The following LAMA2 variants were observed in gnomAD, a reference collection of about 807,000 sequenced individuals.
LAMA2 encodes laminin subunit alpha-2.
A neutral mutation model predicts 364.8 loss-of-function variants in LAMA2; 269 were observed. The ratio of observed to expected loss-of-function variants is 0.74; its 90% CI spans 0.67 to 0.82. LAMA2 has a LOEUF of 0.82. Among genes scored for constraint, LAMA2 ranks in the 40% least tolerant of loss-of-function variants. The pLI, the probability that LAMA2 is intolerant of heterozygous loss-of-function variation, is 0.00. For missense variants in LAMA2, 3,807 were observed against 3,873.2 expected, an observed-to-expected ratio of 0.98 and a Z score of 0.45; for synonymous variants, 1,379 against 1,370.6, an observed-to-expected ratio of 1.01 and a Z score of -0.14.
chr6:129,300,306 G>A (rs1773471497), intron 21 of LAMA2, among the ~76,000 whole-genome samples: 1 of 152,112 alleles, frequency 6.6e-6, no homozygotes, highest in South Asian at 2.1e-4. Context: ...AAGCTTATTG[G>A]TTTTTACTGC....
chr6:129,050,209 C>A, intron 2 of LAMA2, 121 bp downstream of exon 2: 2 of 967,498 alleles, frequency 2.1e-6, no homozygotes, highest in Non-Finnish European at 1.6e-6. Flanking sequence ...ATTCTTTTTA[C>A]CATTAAGAGC....
intron 1 of LAMA2, among the ~76,000 whole-genome samples, chr6:129,020,206 A>AT (rs1306431287): frequency 6.6e-6 from 1 of 151,740 alleles, no homozygotes; most frequent in Non-Finnish European, 1.5e-5. Context: ...GAATGTGCAG[A>AT]TTTTTTCCTC....
intron 32 of LAMA2, among the ~76,000 whole-genome samples, chr6:129,359,313 AAC>A (rs1302346204): frequency 6.7e-6 from 1 of 149,108 alleles, no homozygotes; most frequent in African/African-American, 2.4e-5. Context: ...ATACATATAA[AAC>A]ACATATCATA....
rs568109610 is a variant in LAMA2, at chr6:128,888,694, A to G, written c.112+5337A>G. On this transcript the variant is annotated intron_variant, in intron 1 of 64. Transcript: ENST00000421865. ...GCCTATGAGGATCTAAGCTTGGAGCATGGTGAGAAGGCTCAGAGGAGAAAT... is the reference window on the plus strand; with the variant it reads ...GCCTATGAGGATCTAAGCTTGGAGCGTGGTGAGAAGGCTCAGAGGAGAAAT... 1.2e-4 allele frequency among the ~76,000 whole-genome samples: 19 copies of G among 152,322 alleles called. No individual in the cohort carries two copies. The South Asian group carries it at 3.7e-3, about 30-fold the overall frequency.
rs1331099102 is a variant in LAMA2, at chr6:129,291,679, T to G, written c.2815T>G (p.Cys939Gly). The change falls in exon 20 of 65, where the codon TGC becomes GGC. Residue 939 changes from cysteine to glycine, a missense_variant. Physicochemically the swap from Cys to Gly is radical, Grantham distance 159. Transcript: ENST00000421865. ...CCACAGTCAAACTGGACAGTGTGAG[T>G]GCAGAGCCAACGTTCAGGGTCAGAG... ...VCHSQTGQCE[C>G]RANVQGQRCD... 6.2e-7 allele frequency: 1 copy of G among 1,614,074 alleles called. No individual in the cohort carries two copies. The highest frequency in any genetic ancestry group is 8.5e-7 in the Non-Finnish European group (1 of 1,179,968).
At chr6:129,467,267 A>AC (rs1351731793) in intron 51 of LAMA2, among the ~76,000 whole-genome samples, 1 of 151,864 alleles carries the variant, frequency 6.6e-6, no homozygotes, top group Non-Finnish European at 1.5e-5. Context: ...AAAATCCAAT[A>AC]CCATATGTTC....
At chr6:129,387,112 G>A (rs748331723) in intron 35 of LAMA2, among the ~76,000 whole-genome samples, 16 of 150,726 alleles carry the variant, frequency 1.1e-4, no homozygotes, top group Non-Finnish European at 1.9e-4. Context: ...ACTTTATGGG[G>A]TATGTGTTAT....
At chr6:129,310,037 C>A (rs1330037634) in intron 22 of LAMA2, among the ~76,000 whole-genome samples, 1 of 150,926 alleles carries the variant, frequency 6.6e-6, no homozygotes, top group African/African-American at 2.4e-5. Context: ...GTAGCTGGGA[C>A]TACAGGCGCC....
At chr6:129,515,272 A>C (rs1400889335) in intron 64 of LAMA2, among the ~76,000 whole-genome samples, 2 of 152,258 alleles carry the variant, frequency 1.3e-5, no homozygotes, top group African/African-American at 4.8e-5. Flanking sequence ...CCCTGTTTAT[A>C]TAAAGCTCCT....
At chr6:129,314,420 G>C (rs1257522654) in intron 23 of LAMA2, among the ~76,000 whole-genome samples, 2 of 84,318 alleles carry the variant, frequency 2.4e-5, no homozygotes, top group Non-Finnish European at 2.6e-5. Context: ...AAAAAAAAAA[G>C]TACAATACCT....
chr6:129,265,201 G>A (rs1188809506), intron 15 of LAMA2, among the ~76,000 whole-genome samples: 2 of 152,126 alleles, frequency 1.3e-5, no homozygotes, highest in African/African-American at 2.4e-5. Context: ...TTTGGAATGG[G>A]AATATGGCAA....
intron 2 of LAMA2, among the ~76,000 whole-genome samples, chr6:129,055,623 TA>T (rs1388242363): frequency 6.6e-6 from 1 of 152,166 alleles, no homozygotes; most frequent in Non-Finnish European, 1.5e-5. Context: ...TATATTTTAG[TA>T]AAAGTTGGAG....
intron 1 of LAMA2, among the ~76,000 whole-genome samples, chr6:128,932,329 G>A (rs759780379): frequency 7.9e-5 from 12 of 152,182 alleles, no homozygotes; most frequent in Non-Finnish European, 1.3e-4. Flanking sequence ...TCTTCCACTA[G>A]TGACGCATTA....
intron 22 of LAMA2, among the ~76,000 whole-genome samples, chr6:129,303,179 T>G (rs923261956): frequency 2.0e-5 from 3 of 152,182 alleles, no homozygotes; most frequent in African/African-American, 7.2e-5. Flanking sequence ...TATATATTGT[T>G]AAATGTATCC....
intron 22 of LAMA2, among the ~76,000 whole-genome samples, chr6:129,310,488 C>T (rs1054328287): frequency 2.6e-5 from 4 of 152,044 alleles, no homozygotes; most frequent in Non-Finnish European, 5.9e-5. Flanking sequence ...GATAATAGAA[C>T]AGCACCAAAA....
chr6:128,892,288 G>A (rs1349821376), intron 1 of LAMA2, among the ~76,000 whole-genome samples: 1 of 151,880 alleles, frequency 6.6e-6, no homozygotes. Flanking sequence ...AGAAACACAA[G>A]TTCCTATAAT....
intron 56 of LAMA2, among the ~76,000 whole-genome samples, chr6:129,489,206 C>A (rs974440116): frequency 6.6e-6 from 1 of 152,182 alleles, no homozygotes; most frequent in Non-Finnish European, 1.5e-5. Flanking sequence ...GTCATCATTT[C>A]TTTTCCTAAA....
At chr6:128,893,654 A>G (rs1287902638) in intron 1 of LAMA2, among the ~76,000 whole-genome samples, 2 of 151,924 alleles carry the variant, frequency 1.3e-5, no homozygotes, top group Non-Finnish European at 1.5e-5. Context: ...AAAATAGCCT[A>G]AGGGCTCTGA....
chr6:129,344,141 C>T (rs573317272), intron 30 of LAMA2, among the ~76,000 whole-genome samples: 1 of 152,032 alleles, frequency 6.6e-6, no homozygotes, highest in Admixed American at 6.5e-5. Flanking sequence ...TGATTATGGC[C>T]ACATTTTAGG....
Sources: gnomAD v4.1 joint callset for allele counts (sites outside exome capture counted in the v4.1 genomes callset) on GRCh38, gnomAD v4.1.1 for gene constraint, MANE v1.5 for transcripts, NCBI Gene and HGNC (gene_info 2026-07-23, HGNC 2026-07-21) for gene names.